RBPJ: variants seen among roughly 807,000 people sequenced by gnomAD.
RBPJ encodes recombination signal binding protein for immunoglobulin kappa J region.
Under a neutral mutation model 67.8 loss-of-function variants are expected in RBPJ, and 9 were observed. That is an observed-to-expected ratio of 0.13 (90% CI 0.08 to 0.23). RBPJ has a LOEUF of 0.23. Among genes scored for constraint, RBPJ ranks in the 10% least tolerant of loss-of-function variants. The pLI is 1.00. For synonymous variants in RBPJ, 198 were observed against 203.3 expected (o/e 0.97, Z 0.22); for missense variants, 305 against 595.6 (o/e 0.51, Z 5.08).
At chr4:26,392,103 G>C (rs543944031) in intron 2 of RBPJ, among the ~76,000 whole-genome samples, 1 of 152,234 alleles carries the variant, frequency 6.6e-6, no homozygotes, top group Admixed American at 6.5e-5. Context: ...AGGAATTTTG[G>C]GGGGACACAT....
At chr4:26,384,200 C>T (rs1730586473) in intron 1 of RBPJ, among the ~76,000 whole-genome samples, 1 of 152,166 alleles carries the variant, frequency 6.6e-6, no homozygotes, top group South Asian at 2.1e-4. Context: ...TCAAGCAGAA[C>T]TAATTATACA....
At chr4:26,321,458 C>T (rs1267453949) in intron 1 of RBPJ, 1 of 152,060 alleles carries the variant, frequency 6.6e-6, no homozygotes, top group Non-Finnish European at 1.5e-5. Context: ...TCACCGCTAC[C>T]CGCTGCGACT....
chr4:26,278,039 T>A (rs1405698250), intron 1 of RBPJ, among the ~76,000 whole-genome samples: 2 of 152,198 alleles, frequency 1.3e-5, no homozygotes, highest in Non-Finnish European at 2.9e-5. Context: ...GAGCACCTAT[T>A]ATGTGCCAAG....
At chr4:26,326,772 T>A (rs1723668645) in intron 1 of RBPJ, among the ~76,000 whole-genome samples, 1 of 152,196 alleles carries the variant, frequency 6.6e-6, no homozygotes, top group Non-Finnish European at 1.5e-5. Flanking sequence ...AATATTTTAA[T>A]TACTATAAGA....
At chr4:26,288,216 C>G (rs964435452) in intron 1 of RBPJ, among the ~76,000 whole-genome samples, 4 of 152,114 alleles carry the variant, frequency 2.6e-5, no homozygotes, top group African/African-American at 9.7e-5. Flanking sequence ...GTCAGGAATC[C>G]AGGAGTGGCT....
chr4:26,316,452 T>C (rs1722624034), upstream of RBPJ, among the ~76,000 whole-genome samples: 1 of 141,400 alleles, frequency 7.1e-6, no homozygotes, highest in Non-Finnish European at 1.5e-5. Context: ...TATACATTCA[T>C]ATATACATTC....
the RBPJ span, among the ~76,000 whole-genome samples, chr4:26,127,627 G>C: frequency 1.3e-5 from 2 of 152,216 alleles, no homozygotes; most frequent in Non-Finnish European, 2.9e-5. Flanking sequence ...AAATATATAA[G>C]TACAGTTTGT....
the RBPJ span, among the ~76,000 whole-genome samples, chr4:26,128,247 A>G: frequency 1.3e-5 from 2 of 152,230 alleles, no homozygotes; most frequent in Admixed American, 6.5e-5. Flanking sequence ...AAATGGAAGG[A>G]TTCCCAGAAG....
chr4:26,345,884 C>T (rs1726078894), intron 1 of RBPJ, among the ~76,000 whole-genome samples: 2 of 152,152 alleles, frequency 1.3e-5, no homozygotes, highest in Admixed American at 6.5e-5. Context: ...TCAGAGAATA[C>T]AGTGATGCTG....
intron 1 of RBPJ, among the ~76,000 whole-genome samples, chr4:26,163,835 C>T (rs112794360): frequency 7.2e-4 from 109 of 152,328 alleles, no homozygotes; most frequent in Admixed American, 2.7e-3. Flanking sequence ...GCAGATGATC[C>T]GGCCTAGGCT....
intron 4 of RBPJ, among the ~76,000 whole-genome samples, chr4:26,416,785 G>T (rs923628290): frequency 6.6e-6 from 1 of 152,074 alleles, no homozygotes. Context: ...TAGGGGATTT[G>T]TACTCTCAAA....
At chr4:26,252,773 G>A (rs1211565183) in intron 1 of RBPJ, among the ~76,000 whole-genome samples, 2 of 152,156 alleles carry the variant, frequency 1.3e-5, no homozygotes, top group African/African-American at 2.4e-5. Flanking sequence ...AGCCAAATAA[G>A]TCTTTTGCTG....
In RBPJ at chr4:26,267,895, A is replaced by T. The variant is rs139433005; in HGVS notation, c.-166-94551A>T. ...AGTGTTGGGATTACAGGCGTGAGCC[A>T]CGGCACCCGACCCACAATTTCAATA... On this transcript the variant is annotated intron_variant, in intron 1 of 4. Coordinates refer to the RBPJ transcript ENST00000512351. Among the ~76,000 whole-genome samples, 1,320 of 152,252 alleles carry T rather than the reference A, an allele frequency of 8.7e-3. 14 individuals are homozygous for T. Among genetic ancestry groups the T allele is most frequent in the African/African-American group, 0.03 (1,258 of 41,546 alleles).
chr4:26,317,483 A>C (rs1346224398), upstream of RBPJ, among the ~76,000 whole-genome samples: 3 of 152,164 alleles, frequency 2.0e-5, no homozygotes, highest in Admixed American at 2.0e-4. Flanking sequence ...GGCAGTAGGC[A>C]AGATTGTCTA....
At chr4:26,402,359 A>G (rs1040456427) in intron 2 of RBPJ, among the ~76,000 whole-genome samples, 1 of 152,156 alleles carries the variant, frequency 6.6e-6, no homozygotes, top group African/African-American at 2.4e-5. Context: ...TTAATTTTGG[A>G]TTCCAACATT....
At chr4:26,281,986 C>T (rs989363625) in intron 1 of RBPJ, among the ~76,000 whole-genome samples, 7 of 152,210 alleles carry the variant, frequency 4.6e-5, no homozygotes, top group Non-Finnish European at 8.8e-5. Context: ...TCCAAATTAT[C>T]TAGACCAGGG....
chr4:26,204,341 C>T (rs1293879452), intron 1 of RBPJ, among the ~76,000 whole-genome samples: 4 of 152,138 alleles, frequency 2.6e-5, no homozygotes, highest in Non-Finnish European at 2.9e-5. Context: ...AAGTTGTCCC[C>T]ACACCAATGA....
the RBPJ span, among the ~76,000 whole-genome samples, chr4:26,154,834 C>A: frequency 6.6e-6 from 1 of 152,160 alleles, no homozygotes; most frequent in Non-Finnish European, 1.5e-5. Context: ...AGGTGCCAGG[C>A]TCCTTTTAAA....
At chr4:26,117,571 CA>C in the RBPJ span, among the ~76,000 whole-genome samples, 4 of 152,122 alleles carry the variant, frequency 2.6e-5, no homozygotes, top group African/African-American at 9.7e-5. Context: ...AGATTGACTT[CA>C]TGGACTTTAC....
Sources: gnomAD v4.1 joint callset for allele counts (sites outside exome capture counted in the v4.1 genomes callset) on GRCh38, gnomAD v4.1.1 for gene constraint, MANE v1.5 for transcripts, NCBI Gene and HGNC (gene_info 2026-07-23, HGNC 2026-07-21) for gene names.